The following EVC2 variants were observed in gnomAD, a reference collection of about 807,000 sequenced individuals.
The protein encoded by EVC2 is limbin.
Under a neutral mutation model 149.3 loss-of-function variants are expected in EVC2, and 148 were observed. That is an observed-to-expected ratio of 0.99 (90% CI 0.87 to 1.14). The LOEUF is 1.14. EVC2 is among the 50% of genes most tolerant of loss of function. The pLI is 0.00. For synonymous variants in EVC2, 776 were observed against 649.9 expected, an observed-to-expected ratio of 1.19 and a Z score of -2.95; for missense variants, 1,854 against 1,627.3, an observed-to-expected ratio of 1.14 and a Z score of -2.40.
chr4:5,593,938 G>T (rs1713104174), intron 16 of EVC2, among the ~76,000 whole-genome samples: 1 of 152,178 alleles, frequency 6.6e-6, no homozygotes, highest in Non-Finnish European at 1.5e-5. Flanking sequence ...TGGCTTGGAG[G>T]GTCCTACACC....
intron 12 of EVC2, among the ~76,000 whole-genome samples, chr4:5,627,974 G>A (rs1017455856): frequency 2.0e-5 from 3 of 152,160 alleles, no homozygotes; most frequent in Non-Finnish European, 2.9e-5. Context: ...AACTGGCCAT[G>A]AGTGGGGCTC....
At chr4:5,684,731 T>A (rs1577250357) in intron 6 of EVC2, among the ~76,000 whole-genome samples, 2 of 152,280 alleles carry the variant, frequency 1.3e-5, no homozygotes, top group East Asian at 3.9e-4. Flanking sequence ...AAGTCTGAAG[T>A]CCAGTGCCCT....
intron 17 of EVC2, among the ~76,000 whole-genome samples, chr4:5,580,960 G>C (rs2108783946): frequency 6.6e-6 from 1 of 152,242 alleles, no homozygotes; most frequent in South Asian, 2.1e-4. Flanking sequence ...GTTTAAAACT[G>C]TGTAGCACCT....
chr4:5,596,694 G>T (rs762240092), intron 16 of EVC2, among the ~76,000 whole-genome samples: 1 of 152,078 alleles, frequency 6.6e-6, no homozygotes, highest in Non-Finnish European at 1.5e-5. Context: ...TCAAAAGCTA[G>T]CAGAAGGCAA....
chr4:5,706,012 C>T (rs2151747068), intron 1 of EVC2, among the ~76,000 whole-genome samples: 1 of 152,262 alleles, frequency 6.6e-6, no homozygotes, highest in East Asian at 1.9e-4. Context: ...AGAGATGTCC[C>T]AGCATCAGGG....
chr4:5,573,533 T>C (rs1247230818), intron 19 of EVC2, among the ~76,000 whole-genome samples: 2 of 152,168 alleles, frequency 1.3e-5, no homozygotes, highest in Non-Finnish European at 2.9e-5. Flanking sequence ...CCCTGCCAAT[T>C]ACTTAAGTGA....
At chr4:5,701,995 T>C (rs747201621) in intron 1 of EVC2, among the ~76,000 whole-genome samples, 16 of 152,012 alleles carry the variant, frequency 1.1e-4, no homozygotes, top group Non-Finnish European at 2.2e-4. Context: ...CTTGCCACTT[T>C]CCTGCTCACA....
chr4:5,654,443 C>T (rs1450590320), intron 9 of EVC2, among the ~76,000 whole-genome samples: 1 of 152,196 alleles, frequency 6.6e-6, no homozygotes, highest in East Asian at 1.9e-4. Flanking sequence ...ACGCCTCTCC[C>T]TTGCATTTAC....
intron 16 of EVC2, among the ~76,000 whole-genome samples, chr4:5,605,215 C>T (rs1273855420): frequency 1.3e-5 from 2 of 152,174 alleles, no homozygotes; most frequent in East Asian, 1.9e-4. Context: ...ATGTTACACA[C>T]GAGTTCTACT....
chr4:5,669,438 T>C (rs1719486482), intron 7 of EVC2, among the ~76,000 whole-genome samples: 1 of 152,220 alleles, frequency 6.6e-6, no homozygotes, highest in Non-Finnish European at 1.5e-5. Context: ...AATGTCTACG[T>C]TTGTCCCACT....
rs562766865 is a variant in EVC2, at chr4:5,598,572, G to T, written c.2830-13722C>A. Among the ~76,000 whole-genome samples, 69 of 152,262 alleles carry T rather than the reference G, an allele frequency of 4.5e-4. 1 individual carries two copies. The highest frequency in any genetic ancestry group is 1.6e-3 in the African/African-American group (68 of 41,552). ...ACACCTTATACAAAAATCAATTCAA[G>T]ATGGATTAAAGACTTAAACGTTAGA... On this transcript the variant is annotated intron_variant, in intron 16 of 21. Transcript: ENST00000344408.
chr4:5,556,708 AG>A (rs1721846416), intron 21 of EVC2, among the ~76,000 whole-genome samples: 1 of 152,176 alleles, frequency 6.6e-6, no homozygotes. Flanking sequence ...AAGAAAAAAA[AG>A]AAAACATGAA....
chr4:5,644,390 C>T (rs1319647546), intron 9 of EVC2, among the ~76,000 whole-genome samples: 2 of 150,428 alleles, frequency 1.3e-5, no homozygotes, highest in Admixed American at 6.6e-5. Flanking sequence ...CTGCAACCTC[C>T]GCCTCCCAGG....
Position 5,649,835 on chromosome 4 carries a change from G to T in EVC2, c.1146-8997C>A, listed in dbSNP as rs190686824. ...ATAATACTGCAAGATTCCTCTCTGG[G>T]ACCATCAATCATGTTTATAAACTAT... On this transcript the variant is annotated intron_variant, in intron 9 of 21. Transcript: ENST00000344408. 2.1e-4 allele frequency among the ~76,000 whole-genome samples: 32 copies of T among 152,176 alleles called. No individual in the cohort carries two copies. The East Asian group carries it at 5.8e-3, about 28-fold the overall frequency.
chr4:5,668,192 C>T (rs918389973), intron 7 of EVC2, among the ~76,000 whole-genome samples: 6 of 152,204 alleles, frequency 3.9e-5, no homozygotes, highest in African/African-American at 1.2e-4. Context: ...ATTCTTGCAG[C>T]CACAGTGCAG....
At chr4:5,570,289 G>T (rs1262552031) in intron 19 of EVC2, among the ~76,000 whole-genome samples, 1 of 152,196 alleles carries the variant, frequency 6.6e-6, no homozygotes, top group Admixed American at 6.5e-5. Flanking sequence ...ACCTCTTCCT[G>T]AGGCAGGGTC....
intron 9 of EVC2, among the ~76,000 whole-genome samples, chr4:5,650,671 A>AGAGAGAGAGATAGAGAGAGAGAGC (rs35334619): frequency 9.8e-6 from 1 of 102,414 alleles, no homozygotes; most frequent in Non-Finnish European, 1.9e-5. Context: ...AGAGAGAGAG[A>AGAGAGAGAGATAGAGAGAGAGAGC]GCCATTTAAT....
In EVC2 at chr4:5,640,932, G is replaced by T; in HGVS notation, c.1146-94C>A. 7.1e-7 allele frequency: 1 copy of T among 1,414,276 alleles called. No homozygotes were observed. 87.6% of individuals were successfully genotyped at this position (1,414,276 alleles called of 1,614,324 possible). A position where few individuals can be genotyped will look rare whatever the true frequency, so the allele number is the denominator to read the frequency against. ...GCTCTGAGGTTTTCATTTATGTGTAGGCAAGGGCTTTCTTCGTCTTCCTTT... is the reference window on the plus strand; with the variant it reads ...GCTCTGAGGTTTTCATTTATGTGTATGCAAGGGCTTTCTTCGTCTTCCTTT... On this transcript the variant is annotated intron_variant, in intron 9 of 21. Transcript: ENST00000344408. The surrounding 1 kb of genome is among the most constrained non-coding windows in gnomAD (Gnocchi z 4.6).
At chr4:5,535,683 C>G in the EVC2 span, among the ~76,000 whole-genome samples, 7 of 151,630 alleles carry the variant, frequency 4.6e-5, no homozygotes, top group Admixed American at 3.9e-4. This position sits in a 1 kb window ranked among gnomAD's most constrained non-coding sequence, Gnocchi z 4.7. Flanking sequence ...ACTAATCCCA[C>G]CATGGGGGCC....
Sources: gnomAD v4.1 joint callset for allele counts (sites outside exome capture counted in the v4.1 genomes callset) on GRCh38, gnomAD v4.1.1 for gene constraint, Gnocchi (gnomAD v3.1) non-coding constraint, MANE v1.5 for transcripts, NCBI Gene and HGNC (gene_info 2026-07-23, HGNC 2026-07-21) for gene names.